The following ACSM3 variants were observed in gnomAD, a reference collection of about 807,000 sequenced individuals.
The protein encoded by ACSM3 is acyl-coenzyme A synthetase ACSM3, mitochondrial.
Under a neutral mutation model 74.1 loss-of-function variants are expected in ACSM3, and 61 were observed. That is an observed-to-expected ratio of 0.82 (90% confidence interval 0.67 to 1.02). The LOEUF is 1.02. Among genes scored for constraint, ACSM3 ranks in the 50% least tolerant of loss-of-function variants. The probability of loss-of-function intolerance (pLI) is 0.00; values close to 1 mark genes in which losing one functional copy is unlikely to be tolerated. For missense variants in ACSM3, 660 were observed against 697.0 expected (o/e 0.95, Z 0.60); for synonymous variants, 213 against 241.5 (o/e 0.88, Z 1.09).
chr16:20,760,198 T>C (rs1455772716), upstream of ACSM3, among the ~76,000 whole-genome samples: 1 of 152,168 alleles, frequency 6.6e-6, no homozygotes, highest in African/African-American at 2.4e-5. Flanking sequence ...AAAATCAAAG[T>C]CTTTTACCCC....
At chr16:20,693,190 A>T (rs2079671581) in intron 1 of ACSM3, among the ~76,000 whole-genome samples, 1 of 151,652 alleles carries the variant, frequency 6.6e-6, no homozygotes, top group South Asian at 2.1e-4. Context: ...AAAAAAATTC[A>T]GATCTTAGTC....
chr16:20,733,633 C>A (rs1490032830), intron 1 of ACSM3: 2 of 151,490 alleles, frequency 1.3e-5, no homozygotes, highest in Admixed American at 6.6e-5. Context: ...TACTAAGAGT[C>A]AGAAAGAAAG....
intron 1 of ACSM3, chr16:20,729,340 T>C (rs559287901): frequency 2.8e-6 from 4 of 1,454,144 alleles, no homozygotes; most frequent in African/African-American, 1.4e-5. Context: ...GAGCTGATGA[T>C]GTCATTATTT....
At chr16:20,737,313 G>C (rs760202113) in intron 1 of ACSM3, 3 of 1,578,086 alleles carry the variant, frequency 1.9e-6, no homozygotes, top group Non-Finnish European at 2.6e-6. Flanking sequence ...AAAACACATA[G>C]CTGAGGAGGA....
intron 1 of ACSM3, among the ~76,000 whole-genome samples, chr16:20,675,813 A>G (rs1324754613): frequency 6.6e-6 from 1 of 152,208 alleles, no homozygotes; most frequent in Non-Finnish European, 1.5e-5. Flanking sequence ...CCTGCCTAGC[A>G]GTTTATTGTA....
In ACSM3 at chr16:20,777,419, T is replaced by A; in HGVS notation, c.477T>A (p.Ile159=). Residue 159 remains isoleucine, a synonymous_variant, in exon 4 of 14, where the codon ATT becomes ATA. Transcript: ENST00000289416. The stretch of plus-strand genomic sequence containing the variant: ...CCACTCAGCTGACCCAGAAAGACAT[T>A]CTCTACAGACTACAATCTTCAAAAG... ...PGTTQLTQKD[I]LYRLQSSKAN... is the part of the protein sequence containing the mutation. 1.2e-6 allele frequency: 2 copies of A among 1,614,062 alleles called. No individual in the cohort carries two copies. The highest frequency in any genetic ancestry group is 1.7e-6 in the Non-Finnish European group (2 of 1,179,978).
intron 2 of ACSM3, among the ~76,000 whole-genome samples, chr16:20,755,216 A>C (rs2080019847): frequency 1.3e-5 from 2 of 152,194 alleles, no homozygotes; most frequent in Admixed American, 6.5e-5. Context: ...TATAAAGTTT[A>C]AATAAGGTGC....
chr16:20,736,893 T>C (rs779445236), intron 1 of ACSM3: 6 of 1,613,788 alleles, frequency 3.7e-6, no homozygotes, highest in Non-Finnish European at 2.5e-6. Context: ...TGAGAAGTCA[T>C]TTTCATTTGA....
chr16:20,792,250 C>T lies in ACSM3; in HGVS notation c.1469C>T (p.Pro490Leu). 1.2e-6 allele frequency: 2 copies of T among 1,614,062 alleles called. No individual in the cohort carries two copies. The highest frequency in any genetic ancestry group is 1.7e-6 in the Non-Finnish European group (2 of 1,179,970). ...VILSSGYRIG[P>L]FEVENALNEH... ...TGTGTTTCTAGCTATCGAATTGGAC[C>T]ATTTGAGGTAGAAAATGCCCTGAAT... The change falls in exon 12 of 14, where the codon CCA becomes CTA. Residue 490 changes from proline (P) to leucine (L), a missense_variant. Pro to Leu is a moderately conservative substitution (Grantham distance 98). Transcript: ENST00000289416.
At position 20,739,758 on chromosome 16, in the gene ACSM3, T is replaced by C. The variant is rs185480290; in HGVS notation, c.-189-10152T>C. 4.6e-3 allele frequency among the ~76,000 whole-genome samples: 690 copies of C among 151,250 alleles called. 6 individuals are homozygous for C. Among genetic ancestry groups the C allele is most frequent in the African/African-American group, 0.015 (638 of 41,204 alleles). On this transcript the variant is annotated intron_variant, in intron 1 of 3. Coordinates refer to the ACSM3 transcript ENST00000561584. ...ATCGCTTGAACCCAGAAGGCAGATA[T>C]TGCAGTGAGCTGAGATTGCACCACT...
chr16:20,685,850 A>AAAAAAAAAAAAG (rs2079545011), intron 1 of ACSM3, among the ~76,000 whole-genome samples: 1 of 146,466 alleles, frequency 6.8e-6, no homozygotes, highest in Non-Finnish European at 1.5e-5. Context: ...AAAAAAACAA[A>AAAAAAAAAAAAG]AAACTTATAG....
chr16:20,791,972 C>T, intron 10 of ACSM3, 30 bp from the exon 11 acceptor site: 1 of 1,609,870 alleles, frequency 6.2e-7, no homozygotes, highest in Non-Finnish European at 8.5e-7. Flanking sequence ...TTGGATTCAC[C>T]ATAACAACAA....
intron 1 of ACSM3, among the ~76,000 whole-genome samples, chr16:20,684,439 A>G (rs980888881): frequency 6.6e-6 from 1 of 152,264 alleles, no homozygotes; most frequent in Non-Finnish European, 1.5e-5. Flanking sequence ...TGAAGAGGGA[A>G]CAAACTGACT....
At chr16:20,764,566 A>G (rs936581041) in intron 1 of ACSM3, 1 of 152,160 alleles carries the variant, frequency 6.6e-6, no homozygotes, top group Non-Finnish European at 1.5e-5. Context: ...TCTACTGAAA[A>G]TAAAAAATTA....
At chr16:20,784,857 T>C in intron 7 of ACSM3, 127 bp from the exon 8 acceptor site, 1 of 983,828 alleles carries the variant, frequency 1.0e-6, no homozygotes, top group Non-Finnish European at 1.4e-6. Flanking sequence ...ATGGTTTGTT[T>C]TGTGCTAGGG....
intron 1 of ACSM3, among the ~76,000 whole-genome samples, chr16:20,769,015 C>G (rs2080159851): frequency 6.6e-6 from 1 of 152,098 alleles, no homozygotes; most frequent in Non-Finnish European, 1.5e-5. Flanking sequence ...GTCAGCTAAA[C>G]TGTCCATTTA....
At chr16:20,707,757 CAAAA>C (rs2079731997) in intron 1 of ACSM3, among the ~76,000 whole-genome samples, 10 of 152,124 alleles carry the variant, frequency 6.6e-5, no homozygotes, top group African/African-American at 2.2e-4. Context: ...ACAAACCTGC[CAAAA>C]CCAGTTTCTA....
In ACSM3 at chr16:20,790,618, C is replaced by A; in HGVS notation, c.1256C>A (p.Pro419His). The change falls in exon 10 of 14, where the codon CCT becomes CAT. Residue 419 changes from proline to histidine, a missense_variant. Transcript: ENST00000289416. The surrounding 1 kb of genome is among the most constrained non-coding windows in gnomAD (Gnocchi z 4.0). The part of the protein sequence containing the change: ...IVDVNGNVLP[P>H]GQEGDIGIQV... The stretch of plus-strand genomic sequence containing the variant: ...GATGTAAATGGCAATGTTCTACCTC[C>A]TGGACAAGAAGGAGATATTGGCATT... The A allele has an allele frequency of 2.5e-6, 4 of 1,614,090 alleles. No homozygotes were observed. The highest frequency in any genetic ancestry group is 3.4e-6 in the Non-Finnish European group (4 of 1,179,986).
chr16:20,742,809 ATATATTT>A (rs370141645), intron 1 of ACSM3, among the ~76,000 whole-genome samples: 29,633 of 93,050 alleles, frequency 0.32, 3,471 homozygotes, highest in Non-Finnish European at 0.42. Context: ...ATATATATAT[ATATATTT>A]TTTTTTTTTC....
Sources: gnomAD v4.1 joint callset for allele counts (sites outside exome capture counted in the v4.1 genomes callset) on GRCh38, gnomAD v4.1.1 for gene constraint, Gnocchi (gnomAD v3.1) non-coding constraint, MANE v1.5 for transcripts, NCBI Gene and HGNC (gene_info 2026-07-23, HGNC 2026-07-21) for gene names.